The following ABCA3 variants were observed in gnomAD, a reference collection of about 807,000 sequenced individuals.
ABCA3 encodes ATP binding cassette subfamily A member 3.
In ABCA3, 88 loss-of-function variants were observed where a neutral mutation model predicts 172.8. That is an observed-to-expected ratio of 0.51 (90% CI 0.43 to 0.61). ABCA3 has a LOEUF of 0.61. ABCA3 is among the 20% of genes least tolerant of loss of function. ABCA3 has a pLI of 0.00. For synonymous variants in ABCA3, 1,066 were observed against 983.8 expected (o/e 1.08, Z -1.56); for missense variants, 2,164 against 2,301.0 (o/e 0.94, Z 1.22).
Position 2,297,878 on chromosome 16 carries a change from T to C in ABCA3, c.1940A>G (p.Gln647Arg), listed in dbSNP as rs779133998. The change falls in exon 16 of 33, where the codon CAG becomes CGG. Residue 647 changes from glutamine (Q) to arginine (R), a missense_variant. Coordinates refer to ENST00000301732, the MANE Select transcript of ABCA3 (RefSeq NM_001089.3). This position sits in a 1 kb window ranked among gnomAD's most constrained non-coding sequence, Gnocchi z 5.6. ...SRQKCPEEVKQMLHIIGLEDK... is the reference protein window; with the variant it reads ...SRQKCPEEVKRMLHIIGLEDK... ...CTCCAGGCCGATGATGTGCAGCATCTGCTTGACTTCTTCAGGGCACTTCTG... is the reference window on the plus strand; with the variant it reads ...CTCCAGGCCGATGATGTGCAGCATCCGCTTGACTTCTTCAGGGCACTTCTG... 4 of 1,613,878 alleles carry C rather than the reference T, an allele frequency of 2.5e-6. No individual in the cohort carries two copies. Among genetic ancestry groups the C allele is most frequent in the Non-Finnish European group, 3.4e-6 (4 of 1,180,040 alleles).
rs754988627 is a variant in ABCA3 at position 2,279,014 on chromosome 16, C to A, written c.4476G>T (p.Gly1492=). The change falls in exon 29 of 33, where the codon GGG becomes GGT. Residue 1492 remains glycine, a synonymous_variant. Transcript: ENST00000301732. The surrounding 1 kb of genome is among the most constrained non-coding windows in gnomAD (Gnocchi z 4.4). ...RLRGIPERHI[G]ACVENTLRGL... ...CCCGCAGAGTGTTCTCCACGCAGGC[C>A]CCGATGTGGCGCTCAGGGATGCCCC... 1.2e-6 allele frequency: 2 copies of A among 1,613,550 alleles called. No individual in the cohort carries two copies. Among genetic ancestry groups the A allele is most frequent in the South Asian group, 2.2e-5 (2 of 91,084 alleles).
intron 10 of ABCA3, among the ~76,000 whole-genome samples, chr16:2,315,570 A>G (rs2093713919): frequency 2.1e-5 from 2 of 97,350 alleles, no homozygotes; most frequent in Admixed American, 9.2e-5. Flanking sequence ...CAACACAGAG[A>G]AGAGTGACTC....
chr16:2,303,818 C>T (rs1347339493), intron 12 of ABCA3, 151 bp downstream of exon 12: 3 of 852,316 alleles, frequency 3.5e-6, no homozygotes, highest in African/African-American at 3.4e-5. Context: ...CCTCGGGGGA[C>T]ACGCCACTCC....
Position 2,285,003 on chromosome 16 carries a change from G to A in ABCA3, c.3484-5C>T, listed in dbSNP as rs553333926. 18 of 1,611,770 alleles carry A rather than the reference G, an allele frequency of 1.1e-5. No homozygotes were observed. In the East Asian group the frequency reaches 2.0e-4, roughly 18 times the overall value. On this transcript the variant is annotated splice_region_variant and splice_polypyrimidine_tract_variant and intron_variant, in intron 23 of 32. Transcript: ENST00000301732. The surrounding 1 kb of genome is among the most constrained non-coding windows in gnomAD (Gnocchi z 4.7). ...GTCGAAGGCCTTAAACACCACCTGCGGCGGCACAGGGAGGCGCTGCTGTGC... is the reference window on the plus strand; with the variant it reads ...GTCGAAGGCCTTAAACACCACCTGCAGCGGCACAGGGAGGCGCTGCTGTGC...
At chr16:2,315,173 G>A (rs2093713067) in intron 10 of ABCA3, among the ~76,000 whole-genome samples, 2 of 150,542 alleles carry the variant, frequency 1.3e-5, no homozygotes, top group Non-Finnish European at 3.0e-5. Context: ...GTGAGCCATG[G>A]TGCCCGGTCA....
At chr16:2,307,967 G>A (rs1336336821) in intron 11 of ABCA3, among the ~76,000 whole-genome samples, 1 of 152,194 alleles carries the variant, frequency 6.6e-6, no homozygotes. Context: ...GGTGGCTCAC[G>A]CCTGTAATCC....
intron 5 of ABCA3, among the ~76,000 whole-genome samples, chr16:2,324,972 G>C (rs1418339167): frequency 6.6e-6 from 1 of 152,116 alleles, no homozygotes; most frequent in Admixed American, 6.5e-5. Flanking sequence ...ATTCAGAAAG[G>C]GTTTTACTGT....
Position 2,297,982 on chromosome 16 carries a change from G to C in ABCA3, c.1897-61C>G, listed in dbSNP as rs927971384. 234 of 1,599,418 alleles carry C rather than the reference G, an allele frequency of 1.5e-4. 1 individual carries two copies. The Middle Eastern group carries it at 1.6e-3, about 11-fold the overall frequency. On this transcript the variant is annotated intron_variant, in intron 15 of 32. Transcript: ENST00000301732. This position sits in a 1 kb window ranked among gnomAD's most constrained non-coding sequence, Gnocchi z 5.6. Reference sequence around the variant, plus strand: ...CCTGGCGGGAGGCCGACCCTGGCCAGCGAGGTTCTGGTGAGAGGAACCTCT... The same window carrying C: ...CCTGGCGGGAGGCCGACCCTGGCCACCGAGGTTCTGGTGAGAGGAACCTCT...
chr16:2,310,345 T>G (rs888394821), intron 10 of ABCA3, among the ~76,000 whole-genome samples: 1 of 148,792 alleles, frequency 6.7e-6, no homozygotes, highest in Admixed American at 6.8e-5. Context: ...GAGGTGGAGG[T>G]TGCAGTGAGC....
chr16:2,298,833 G>GC (rs1567343606), intron 14 of ABCA3, among the ~76,000 whole-genome samples: 1 of 152,174 alleles, frequency 6.6e-6, no homozygotes, highest in African/African-American at 2.4e-5. Flanking sequence ...CCCAGCCTGT[G>GC]CCACTGCCAG....
In ABCA3 at chr16:2,324,439, G is replaced by C. The variant is rs369686350; in HGVS notation, c.412C>G (p.Pro138Ala). Residue 138 changes from proline (P) to alanine (A), a missense_variant, in exon 6 of 33, where the codon CCC becomes GCC. Pro to Ala is a conservative substitution (Grantham distance 27). Around this residue, in one of 3 missense-constraint regions of ABCA3, gnomAD observed 1,343 missense variants for 1,369.6 expected, o/e 0.98. Transcript: ENST00000301732. ...AGGGGCTCCTTGCTGTGGTTGAAGGGGTGCTCGAAGACCACGGCGGCCAGC... is the reference window on the plus strand; with the variant it reads ...AGGGGCTCCTTGCTGTGGTTGAAGGCGTGCTCGAAGACCACGGCGGCCAGC... ...SVLAAVVFEH[P>A]FNHSKEPLPL... 1.1e-5 allele frequency: 18 copies of C among 1,606,590 alleles called. No individual in the cohort carries two copies. The African/African-American group carries it at 2.3e-4, about 20-fold the overall frequency.
At position 2,328,608 on chromosome 16, in the gene ABCA3, G is replaced by A. The variant is rs45518738; in HGVS notation, c.-182C>T. 2,455 of 510,486 alleles carry A rather than the reference G, an allele frequency of 4.8e-3. 26 individuals carry two copies. The highest frequency in any genetic ancestry group is 5.0e-3 in the Non-Finnish European group (1,269 of 256,188). 31.6% of individuals were successfully genotyped at this position (510,486 alleles called of 1,614,324 possible). ...AGGCAGGGAAGGCGATGGAGGAGGG[G>A]CAGTCTAGAGAGCCCCTGGTGCTGG... On this transcript the variant is annotated 5_prime_UTR_variant, in exon 3 of 33. Coordinates refer to ENST00000301732, the MANE Select transcript of ABCA3 (RefSeq NM_001089.3).
chr16:2,299,860 G>T, intron 13 of ABCA3, 145 bp downstream of exon 13: 1 of 1,200,720 alleles, frequency 8.3e-7, no homozygotes, highest in East Asian at 2.3e-5. Flanking sequence ...AGAGGGCAGC[G>T]GAGGGTTCCT....
At position 2,281,125 on chromosome 16, in the gene ABCA3, C is replaced by T. The variant is rs776453529; in HGVS notation, c.4261G>A (p.Gly1421Arg). 7 of 1,613,820 alleles carry T rather than the reference C, an allele frequency of 4.3e-6. No individual in the cohort carries two copies. Among genetic ancestry groups the T allele is most frequent in the East Asian group, 2.2e-5 (1 of 44,900 alleles). ...AGCATTTTGAAAGTCGTGGTCTTCC[C>T]GGCTCCATTGAAGCCCAGCAGGCCG... The part of the protein sequence containing the change: ...CFGLLGFNGA[G>R]KTTTFKMLTG... The change falls in exon 28 of 33, where the codon GGG becomes AGG. Residue 1421 changes from glycine (G) to arginine (R), a missense_variant. Gly to Arg is a moderately radical substitution (Grantham distance 125). Around this residue, in one of 3 missense-constraint regions of ABCA3, gnomAD observed 795 missense variants for 881.9 expected, o/e 0.90. Transcript: ENST00000301732. This position sits in a 1 kb window ranked among gnomAD's most constrained non-coding sequence, Gnocchi z 4.7.
chr16:2,292,879 C>T (rs928980284), intron 18 of ABCA3, among the ~76,000 whole-genome samples: 8 of 151,940 alleles, frequency 5.3e-5, no homozygotes, highest in East Asian at 2.0e-4. Context: ...TGCTTGAACC[C>T]GGGAGGCGGA....
In ABCA3 at chr16:2,319,662, G is replaced by A. The variant is rs2093722566; in HGVS notation, c.792C>T (p.Pro264=). ...AGGTGAAGCTGAGCAGCAGCAGCAG[G>A]GGCAGCTGGTACTGGATGGCCACGA... ...PFLVAIQYQL[P]LLLLLSFTYT... The change falls in exon 8 of 33, where the codon CCC becomes CCT. Residue 264 remains proline, a synonymous_variant. Coordinates refer to ENST00000301732, the MANE Select transcript of ABCA3 (RefSeq NM_001089.3). 2 of 1,613,726 alleles carry A rather than the reference G, an allele frequency of 1.2e-6. No homozygotes were observed. Among genetic ancestry groups the A allele is most frequent in the South Asian group, 1.1e-5 (1 of 91,072 alleles).
At position 2,276,160 on chromosome 16, in the gene ABCA3, C is replaced by G. The variant is rs1409722047; in HGVS notation, c.*514G>C. 1.3e-5 allele frequency: 5 copies of G among 376,854 alleles called. No homozygotes were observed. The highest frequency in any genetic ancestry group is 6.2e-5 in the Admixed American group (2 of 32,284). 23.3% of individuals were successfully genotyped at this position (376,854 alleles called of 1,614,324 possible). On this transcript the variant is annotated 3_prime_UTR_variant, in exon 33 of 33. Coordinates refer to ENST00000301732, the MANE Select transcript of ABCA3 (RefSeq NM_001089.3). ...CCCCGGGCTGCGCTGGACGCTAAGA[C>G]CCCAGCACCTAATCACAGTCAGCAG... is the stretch of plus-strand genomic sequence containing the variant.
At chr16:2,295,982 A>G (rs1297561341) in intron 17 of ABCA3, among the ~76,000 whole-genome samples, 1 of 152,188 alleles carries the variant, frequency 6.6e-6, no homozygotes, top group African/African-American at 2.4e-5. Flanking sequence ...TGTCAGGGGC[A>G]CCTGCTGGAA....
chr16:2,320,394 G>A (rs912708094), intron 7 of ABCA3, among the ~76,000 whole-genome samples: 3 of 144,944 alleles, frequency 2.1e-5, no homozygotes, highest in African/African-American at 5.1e-5. Flanking sequence ...CACTGCACCC[G>A]GCCTTTTTTT....
Sources: allele counts gnomAD v4.1 joint callset (sites outside exome capture counted in the v4.1 genomes callset), GRCh38; gene constraint gnomAD v4.1.1; regional missense constraint gnomAD v4.1.1; non-coding constraint Gnocchi (gnomAD v3.1); transcripts MANE v1.5; gene names NCBI Gene and HGNC (gene_info 2026-07-23, HGNC 2026-07-21).